The following TMEM272 variants were observed in gnomAD, a reference collection of about 807,000 sequenced individuals.
The protein encoded by TMEM272 is transmembrane protein 272.
In TMEM272, 8 loss-of-function variants were observed where a neutral mutation model predicts 3.7. The observed-to-expected ratio is 2.17, with a 90% confidence interval of 1.27 to 3.91. TMEM272 has a LOEUF of 3.91. TMEM272 is among the 30% of genes most tolerant of loss of function. TMEM272 has a pLI of 0.00. For missense variants in TMEM272, 166 were observed against 91.5 expected (o/e 1.81, Z -3.32); for synonymous variants, 63 against 39.8 (o/e 1.58, Z -2.20).
chr13:51,823,824 T>A (rs1245284476), intron 3 of TMEM272, among the ~76,000 whole-genome samples: 1 of 152,226 alleles, frequency 6.6e-6, no homozygotes, highest in East Asian at 1.9e-4. Context: ...ATGAACAAAA[T>A]TTTCTAGGTA....
At chr13:51,906,715 A>G in the TMEM272 span, among the ~76,000 whole-genome samples, 1 of 152,218 alleles carries the variant, frequency 6.6e-6, no homozygotes, top group African/African-American at 2.4e-5. Context: ...CAGCACAGGC[A>G]GGCACTCCCC....
the TMEM272 span, among the ~76,000 whole-genome samples, chr13:51,885,998 T>A: frequency 6.6e-6 from 1 of 152,234 alleles, no homozygotes; most frequent in Non-Finnish European, 1.5e-5. Context: ...CCTGGATCAC[T>A]CAAAACTCCA....
intron 1 of TMEM272, among the ~76,000 whole-genome samples, chr13:51,838,929 G>T (rs1956238352): frequency 6.6e-6 from 1 of 152,154 alleles, no homozygotes; most frequent in Non-Finnish European, 1.5e-5. Context: ...TATCTGGGAA[G>T]TGTTACTGAC....
chr13:51,890,197 T>C, the TMEM272 span, among the ~76,000 whole-genome samples: 1 of 152,150 alleles, frequency 6.6e-6, no homozygotes, highest in African/African-American at 2.4e-5. Flanking sequence ...CCCCCTGCTA[T>C]AGTTTGGAGG....
chr13:51,872,280 G>T, the TMEM272 span, among the ~76,000 whole-genome samples: 11 of 152,198 alleles, frequency 7.2e-5, no homozygotes, highest in African/African-American at 2.6e-4. Context: ...ACCAAAAAAA[G>T]AGTTATTGGA....
chr13:51,915,690 G>C, the TMEM272 span, among the ~76,000 whole-genome samples: 1 of 152,218 alleles, frequency 6.6e-6, no homozygotes, highest in Non-Finnish European at 1.5e-5. Flanking sequence ...GGGAGCACTT[G>C]ATACACAGAA....
chr13:51,860,365 T>C, the TMEM272 span, among the ~76,000 whole-genome samples: 1 of 152,036 alleles, frequency 6.6e-6, no homozygotes, highest in Non-Finnish European at 1.5e-5. Flanking sequence ...CAAGGCCAGG[T>C]GTGATGGCTC....
chr13:51,919,768 A>C, the TMEM272 span, among the ~76,000 whole-genome samples: 2 of 152,214 alleles, frequency 1.3e-5, no homozygotes, highest in African/African-American at 4.8e-5. Context: ...CCTGCTGCGC[A>C]CCTGCGTGAG....
the TMEM272 span, among the ~76,000 whole-genome samples, chr13:51,891,363 T>C: frequency 1.3e-5 from 2 of 152,242 alleles, no homozygotes; most frequent in African/African-American, 4.8e-5. Context: ...TTATTTGCCA[T>C]TACCTGACAG....
chr13:51,818,621 G>A (rs1165905104), intron 4 of TMEM272, among the ~76,000 whole-genome samples: 7 of 152,184 alleles, frequency 4.6e-5, no homozygotes, highest in Non-Finnish European at 1.0e-4. Context: ...AATAAACATG[G>A]GCGCAGGACC....
chr13:51,892,532 A>G, the TMEM272 span, among the ~76,000 whole-genome samples: 1 of 152,276 alleles, frequency 6.6e-6, no homozygotes, highest in South Asian at 2.1e-4. Flanking sequence ...CAATGGAGGC[A>G]TGGATGGAAG....
chr13:51,886,916 T>A, the TMEM272 span, among the ~76,000 whole-genome samples: 2 of 152,216 alleles, frequency 1.3e-5, no homozygotes, highest in African/African-American at 2.4e-5. Flanking sequence ...TTCTGAAGAC[T>A]TAGCTGACTC....
At chr13:51,838,296 G>A (rs577178766) in intron 2 of TMEM272, among the ~76,000 whole-genome samples, 177 bp downstream of exon 2, 39 of 152,172 alleles carry the variant, frequency 2.6e-4, no homozygotes, top group Non-Finnish European at 4.4e-4. Context: ...GGTAAGGAAT[G>A]GAAGGAGAAA....
At chr13:51,818,005 A>C (rs1004161960) in intron 4 of TMEM272, among the ~76,000 whole-genome samples, 2 of 152,198 alleles carry the variant, frequency 1.3e-5, no homozygotes, top group African/African-American at 4.8e-5. Flanking sequence ...GGAATGCCTT[A>C]ACAGCTCCCC....
At chr13:51,882,737 T>C in the TMEM272 span, among the ~76,000 whole-genome samples, 1 of 150,398 alleles carries the variant, frequency 6.6e-6, no homozygotes, top group Non-Finnish European at 1.5e-5. Flanking sequence ...AAAAAATAAA[T>C]ATAATAAAAA....
chr13:51,883,358 G>A, the TMEM272 span, among the ~76,000 whole-genome samples: 103 of 152,266 alleles, frequency 6.8e-4, no homozygotes, highest in African/African-American at 2.3e-3. Flanking sequence ...GTGACCAAAC[G>A]AATGAGGTAC....
At chr13:51,926,359 C>G in the TMEM272 span, among the ~76,000 whole-genome samples, 1 of 152,172 alleles carries the variant, frequency 6.6e-6, no homozygotes, top group Non-Finnish European at 1.5e-5. Context: ...CTCCACAGCC[C>G]CCGTTCTGGT....
intron 2 of TMEM272, among the ~76,000 whole-genome samples, chr13:51,830,322 G>A (rs1956162703): frequency 6.6e-6 from 1 of 152,168 alleles, no homozygotes; most frequent in South Asian, 2.1e-4. Flanking sequence ...AGATGGCCAG[G>A]GCCAGAACAT....
At chr13:51,889,222 TA>T in the TMEM272 span, among the ~76,000 whole-genome samples, 1 of 152,242 alleles carries the variant, frequency 6.6e-6, no homozygotes, top group African/African-American at 2.4e-5. Context: ...ATTGCTTTTC[TA>T]AAAGGCTTTT....
Sources: allele counts gnomAD v4.1 joint callset (sites outside exome capture counted in the v4.1 genomes callset), GRCh38; gene constraint gnomAD v4.1.1; transcripts MANE v1.5; gene names NCBI Gene and HGNC (gene_info 2026-07-23, HGNC 2026-07-21).